Variants in PLCE1 observed in about 807,000 individuals in gnomAD.
PLCE1 encodes the protein 1-phosphatidylinositol 4,5-bisphosphate phosphodiesterase epsilon-1.
PLCE1 carries 119 observed loss-of-function variants against 242.8 expected under a neutral mutation model. The observed-to-expected ratio is 0.49, with a 90% CI of 0.42 to 0.57. PLCE1 has a LOEUF of 0.57. Among genes scored for constraint, PLCE1 ranks in the 20% least tolerant of loss-of-function variants. The pLI is 0.00. For synonymous variants in PLCE1, 945 were observed against 1,017.4 expected, an observed-to-expected ratio of 0.93 and a Z score of 1.35; for missense variants, 2,441 against 2,788.8, an observed-to-expected ratio of 0.88 and a Z score of 2.81.
intron 7 of PLCE1, among the ~76,000 whole-genome samples, chr10:94,236,855 C>CCTCT (rs141019317): frequency 1.3e-5 from 2 of 150,480 alleles, no homozygotes; most frequent in South Asian, 2.1e-4. Flanking sequence ...TCTTAATCTC[C>CCTCT]CTCTCTCTCT....
intron 4 of PLCE1, 130 bp downstream of exon 4, chr10:94,171,626 T>C (rs1206790261): frequency 7.8e-6 from 6 of 771,300 alleles, no homozygotes; most frequent in Non-Finnish European, 1.2e-5. Flanking sequence ...CCATGATGGC[T>C]GTTTTTCTTT....
intron 3 of PLCE1, among the ~76,000 whole-genome samples, chr10:94,150,327 G>C (rs1438364177): frequency 6.6e-6 from 1 of 152,222 alleles, no homozygotes; most frequent in East Asian, 1.9e-4. Flanking sequence ...TTAAGAAGGA[G>C]ACTAAGGAGA....
At position 94,298,744 on chromosome 10, in the gene PLCE1, A is replaced by T. The variant is rs756763753; in HGVS notation, c.5458+75A>T. ...AAATGCAGTTTGACAGCATTTTTTC[A>T]AAGGGGCAAGATTCCAGACTGGGGC... is the stretch of plus-strand genomic sequence containing the variant. On this transcript the variant is annotated intron_variant, in intron 24 of 32. Coordinates refer to ENST00000371380, the MANE Select transcript of PLCE1 (RefSeq NM_016341.4). This position sits in a 1 kb window ranked among gnomAD's most constrained non-coding sequence, Gnocchi z 5.2. The T allele has an allele frequency of 7.3e-6, 11 of 1,506,084 alleles. No individual in the cohort carries two copies. Among genetic ancestry groups the T allele is most frequent in the Non-Finnish European group, 9.2e-6 (10 of 1,083,810 alleles). The allele number at this position is 1,506,084 out of a possible 1,614,324, so 93.3% of individuals were successfully genotyped here. A position where few individuals can be genotyped will look rare whatever the true frequency, so the allele number is the denominator to read the frequency against.
chr10:94,085,530 G>T (rs2044787695), intron 2 of PLCE1, among the ~76,000 whole-genome samples: 1 of 152,198 alleles, frequency 6.6e-6, no homozygotes, highest in African/African-American at 2.4e-5. Context: ...CTGCAGACAG[G>T]ACTGTTAGGA....
At chr10:94,138,295 C>T (rs999849433) in intron 3 of PLCE1, 13 of 341,506 alleles carry the variant, frequency 3.8e-5, no homozygotes, top group East Asian at 2.2e-4. Context: ...TTCCATGCCA[C>T]GGTGATGGCA....
intron 6 of PLCE1, 128 bp downstream of exon 6, chr10:94,234,440 C>G (rs1435225859): frequency 1.1e-5 from 11 of 1,011,754 alleles, no homozygotes; most frequent in Non-Finnish European, 1.5e-5. Context: ...TATATTATTT[C>G]TGGGTAGCAC....
chr10:94,164,414 A>G (rs539061063), intron 3 of PLCE1, among the ~76,000 whole-genome samples: 1 of 152,258 alleles, frequency 6.6e-6, no homozygotes, highest in East Asian at 1.9e-4. Flanking sequence ...ATCTTCCATC[A>G]CTGATTCCCT....
chr10:94,264,807 A>G (rs1282157180), intron 14 of PLCE1, among the ~76,000 whole-genome samples: 1 of 152,102 alleles, frequency 6.6e-6, no homozygotes, highest in African/African-American at 2.4e-5. Context: ...GGCGTGAGCC[A>G]CCGCGCCTGG....
In PLCE1 at chr10:94,132,178, A is replaced by G; in HGVS notation, c.1211A>G (p.Tyr404Cys). The change falls in exon 3 of 33, where the codon TAC becomes TGC. Residue 404 changes from tyrosine (Y) to cysteine (C), a missense_variant. By Grantham distance (194) the Tyr-to-Cys change is radical. Transcript: ENST00000371380. ...RLSEAQWYPI[Y>C]NAVRREETEN... ...TGTACTTTGTGCTATTCACAGATCT[A>G]CAATGCAGTGAGAAGAGAAGAAACA... 2 of 1,613,280 alleles carry G rather than the reference A, an allele frequency of 1.2e-6. No homozygotes were observed. The highest frequency in any genetic ancestry group is 1.7e-6 in the Non-Finnish European group (2 of 1,179,196).
chr10:94,296,305 G>T (rs1442231493), intron 23 of PLCE1, among the ~76,000 whole-genome samples: 1 of 149,840 alleles, frequency 6.7e-6, no homozygotes, highest in Admixed American at 6.7e-5. Context: ...GGCGGAGCTT[G>T]CAGTGAGCCA....
chr10:94,042,417 G>A (rs1225492277), intron 2 of PLCE1, among the ~76,000 whole-genome samples: 2 of 152,144 alleles, frequency 1.3e-5, no homozygotes, highest in Non-Finnish European at 2.9e-5. Context: ...TGGGTCCTGT[G>A]TGACCAATGT....
chr10:94,248,957 G>A (rs953317300), intron 8 of PLCE1, among the ~76,000 whole-genome samples: 4 of 152,116 alleles, frequency 2.6e-5, no homozygotes, highest in Non-Finnish European at 2.9e-5. Context: ...GACCACGAAC[G>A]GCAGGTGAAG....
At chr10:94,122,536 A>G (rs2046328043) in intron 2 of PLCE1, among the ~76,000 whole-genome samples, 1 of 152,166 alleles carries the variant, frequency 6.6e-6, no homozygotes, top group Non-Finnish European at 1.5e-5. Context: ...AGCCATGGGG[A>G]ATGTCTGCAG....
At chr10:94,078,118 T>A (rs2044556882) in intron 2 of PLCE1, among the ~76,000 whole-genome samples, 1 of 152,250 alleles carries the variant, frequency 6.6e-6, no homozygotes, top group Non-Finnish European at 1.5e-5. Context: ...TCTCAGTCTC[T>A]GATGATGTAG....
intron 2 of PLCE1, among the ~76,000 whole-genome samples, chr10:94,103,097 A>G (rs1295577664): frequency 6.6e-6 from 1 of 152,192 alleles, no homozygotes; most frequent in Non-Finnish European, 1.5e-5. Flanking sequence ...TCACTGGGGC[A>G]CCTGGGGACA....
intron 22 of PLCE1, among the ~76,000 whole-genome samples, chr10:94,291,683 A>C (rs73319896): frequency 0.041 from 6,288 of 152,208 alleles, 422 homozygotes; most frequent in African/African-American, 0.14. Flanking sequence ...TGGGTGGATC[A>C]CTTGAGGTCA....
chr10:94,312,929 T>C (rs2053432402), intron 27 of PLCE1, among the ~76,000 whole-genome samples: 1 of 151,956 alleles, frequency 6.6e-6, no homozygotes, highest in Non-Finnish European at 1.5e-5. Context: ...CCCAGTACCC[T>C]GAAGAGAGAT....
intron 4 of PLCE1, among the ~76,000 whole-genome samples, chr10:94,206,086 C>G (rs868693151): frequency 1.3e-5 from 2 of 152,038 alleles, no homozygotes; most frequent in African/African-American, 2.4e-5. Context: ...TAAAGCAAGG[C>G]AGAGGGATGG....
At chr10:94,229,787 G>T (rs2137221808) in intron 5 of PLCE1, among the ~76,000 whole-genome samples, 1 of 152,298 alleles carries the variant, frequency 6.6e-6, no homozygotes, top group Non-Finnish European at 1.5e-5. Flanking sequence ...AGTGCATTTT[G>T]TCTCACACCC....
Sources: gnomAD v4.1 joint callset for allele counts (sites outside exome capture counted in the v4.1 genomes callset) on GRCh38, gnomAD v4.1.1 for gene constraint, Gnocchi (gnomAD v3.1) non-coding constraint, MANE v1.5 for transcripts, NCBI Gene and HGNC (gene_info 2026-07-23, HGNC 2026-07-21) for gene names.